RYR2: variants seen among roughly 807,000 people sequenced by gnomAD.
The protein encoded by RYR2 is cardiac muscle ryanodine receptor-calcium release channel.
Under a neutral mutation model 601.1 loss-of-function variants are expected in RYR2, and 227 were observed. The ratio of observed to expected loss-of-function variants is 0.38; its 90% CI spans 0.34 to 0.42. RYR2 has a LOEUF of 0.42. Ranked by LOEUF, RYR2 falls within the 10% of genes least tolerant of loss-of-function variation. RYR2 has a pLI of 1.00. For synonymous variants in RYR2, 2,223 were observed against 2,175.1 expected (o/e 1.02, Z -0.61); for missense variants, 4,646 against 6,156.5 (o/e 0.75, Z 8.21).
intron 34 of RYR2, among the ~76,000 whole-genome samples, chr1:237,598,970 A>T (rs1485076029): frequency 6.6e-6 from 1 of 152,186 alleles, no homozygotes; most frequent in Non-Finnish European, 1.5e-5. Flanking sequence ...ATACCACAGA[A>T]ATACAAAGGA....
chr1:237,243,531 C>A (rs924382953), intron 1 of RYR2, among the ~76,000 whole-genome samples: 2 of 152,202 alleles, frequency 1.3e-5, no homozygotes, highest in Non-Finnish European at 2.9e-5. Context: ...CACCCAGGAA[C>A]TTCCACATGT....
chr1:237,780,730 T>C (rs1336923669), intron 88 of RYR2, among the ~76,000 whole-genome samples: 4 of 152,182 alleles, frequency 2.6e-5, no homozygotes. Context: ...TAAGATACAT[T>C]GTGTAATATT....
rs769088310 is a variant in RYR2 at position 237,727,188 on chromosome 1, T to C, written c.10827T>C (p.Tyr3609=). 5 of 1,529,010 alleles carry C rather than the reference T, an allele frequency of 3.3e-6. No homozygotes were observed. The highest frequency in any genetic ancestry group is 3.6e-6 in the Non-Finnish European group (4 of 1,125,342). 94.7% of individuals were successfully genotyped at this position (1,529,010 alleles called of 1,614,324 possible). A position where few individuals can be genotyped will look rare whatever the true frequency, so the allele number is the denominator to read the frequency against. Reference sequence around the variant, plus strand: ...CCTGCTTCCGGATGGCCCCCTTATATAATCTGCCAAGGTCGGAATTACTTT... The same window carrying C: ...CCTGCTTCCGGATGGCCCCCTTATACAATCTGCCAAGGTCGGAATTACTTT... ...VVACFRMAPL[Y]NLPRHRAVNL... is the part of the protein sequence containing the mutation. Residue 3609 remains tyrosine (Y), a synonymous_variant, in exon 76 of 105, where the codon TAT becomes TAC. Transcript: ENST00000366574.
chr1:237,529,651 C>G (rs1209526362), intron 24 of RYR2, among the ~76,000 whole-genome samples: 1 of 151,958 alleles, frequency 6.6e-6, no homozygotes, highest in Non-Finnish European at 1.5e-5. Flanking sequence ...TTATTTCTTA[C>G]TCTATCAAGG....
rs139047479 is a variant in RYR2, at chr1:237,212,188, C to T, written c.49-58309C>T. 2.6e-3 allele frequency among the ~76,000 whole-genome samples: 392 copies of T among 152,188 alleles called. 2 individuals carry two copies. The highest frequency in any genetic ancestry group is 8.9e-3 in the African/African-American group (370 of 41,520). On this transcript the variant is annotated intron_variant, in intron 1 of 104. Transcript: ENST00000366574. ...GAAAATATTAGGTTCACCCTTAATC[C>T]TATCATCTAGACATAATTACCCCCA...
intron 1 of RYR2, among the ~76,000 whole-genome samples, chr1:237,208,012 A>G (rs1682006130): frequency 6.6e-6 from 1 of 152,220 alleles, no homozygotes; most frequent in Admixed American, 6.5e-5. Flanking sequence ...TGAGGCCCAC[A>G]CAGCTTTCAC....
intron 14 of RYR2, among the ~76,000 whole-genome samples, chr1:237,451,349 A>C (rs561326851): frequency 6.6e-6 from 1 of 152,134 alleles, no homozygotes; most frequent in Non-Finnish European, 1.5e-5. Context: ...AAGCCGGCAC[A>C]TCACTTGAGG....
intron 9 of RYR2, 64 bp downstream of exon 9, chr1:237,387,444 T>G: frequency 1.4e-6 from 2 of 1,418,934 alleles, no homozygotes; most frequent in South Asian, 2.3e-5. Context: ...ATCTTTGGAA[T>G]TGTGATAATG....
chr1:237,368,803 A>ATTTC (rs967408792), intron 5 of RYR2, among the ~76,000 whole-genome samples: 1 of 137,906 alleles, frequency 7.3e-6, no homozygotes, highest in African/African-American at 2.9e-5. Context: ...ATCAACGTTT[A>ATTTC]TTTATTTATT....
At chr1:237,353,437 A>T (rs1383598620) in intron 3 of RYR2, among the ~76,000 whole-genome samples, 1 of 146,648 alleles carries the variant, frequency 6.8e-6, no homozygotes. Flanking sequence ...TGAACCCAGG[A>T]GGCGGAGGTT....
At chr1:237,480,519 T>G (rs1164051188) in intron 17 of RYR2, among the ~76,000 whole-genome samples, 1 of 152,198 alleles carries the variant, frequency 6.6e-6, no homozygotes, top group Non-Finnish European at 1.5e-5. Flanking sequence ...TACCGTTACT[T>G]GTTGTATAAT....
At chr1:237,141,833 G>T (rs1487507011) in intron 1 of RYR2, among the ~76,000 whole-genome samples, 1 of 152,124 alleles carries the variant, frequency 6.6e-6, no homozygotes, top group African/African-American at 2.4e-5. Flanking sequence ...CTTCTTCTTG[G>T]CTGGGCACTA....
At chr1:237,216,270 C>A (rs1450743221) in intron 1 of RYR2, among the ~76,000 whole-genome samples, 2 of 152,028 alleles carry the variant, frequency 1.3e-5, no homozygotes, top group African/African-American at 2.4e-5. Context: ...CAACCTATGT[C>A]TGTGTTTCAA....
At chr1:237,566,378 A>G (rs565106072) in intron 27 of RYR2, among the ~76,000 whole-genome samples, 189 bp from the exon 28 acceptor site, 3 of 152,326 alleles carry the variant, frequency 2.0e-5, no homozygotes, top group African/African-American at 7.2e-5. Flanking sequence ...CTGGTCTGAC[A>G]GTGGCTGATC....
chr1:237,203,052 C>G (rs1018268367), intron 1 of RYR2, among the ~76,000 whole-genome samples: 7 of 152,160 alleles, frequency 4.6e-5, no homozygotes, highest in Non-Finnish European at 5.9e-5. Flanking sequence ...AGCTTCTAAG[C>G]GGATGGAGCC....
chr1:237,639,281 G>A, intron 46 of RYR2, 80 bp downstream of exon 46: 1 of 1,283,446 alleles, frequency 7.8e-7, no homozygotes, highest in Non-Finnish European at 1.1e-6. Flanking sequence ...TGCATCCTAT[G>A]AATTGTAATA....
intron 29 of RYR2, among the ~76,000 whole-genome samples, chr1:237,576,149 G>A (rs1285042066): frequency 1.3e-5 from 2 of 152,124 alleles, no homozygotes; most frequent in Non-Finnish European, 2.9e-5. Context: ...TCATGGAGAA[G>A]ACAAAAGCCT....
At chr1:237,390,985 A>C (rs1702326800) in intron 10 of RYR2, among the ~76,000 whole-genome samples, 1 of 152,208 alleles carries the variant, frequency 6.6e-6, no homozygotes. Flanking sequence ...ATGAGTCAGC[A>C]GTAGGCAGCA....
intron 79 of RYR2, among the ~76,000 whole-genome samples, chr1:237,735,984 CAT>C (rs1691106772): frequency 6.6e-6 from 1 of 152,088 alleles, no homozygotes; most frequent in Non-Finnish European, 1.5e-5. Context: ...TTTAAAGTAA[CAT>C]AAAAATATAT....
Sources: allele counts gnomAD v4.1 joint callset (sites outside exome capture counted in the v4.1 genomes callset), GRCh38; gene constraint gnomAD v4.1.1; transcripts MANE v1.5; gene names NCBI Gene and HGNC (gene_info 2026-07-23, HGNC 2026-07-21).